LIN7A: variants seen among roughly 807,000 people sequenced by gnomAD.
LIN7A encodes lin-7 cell polarity scaffold A, also known as protein lin-7 homolog A.
In LIN7A, 25 loss-of-function variants were observed where a neutral mutation model predicts 29.8. The ratio of observed to expected loss-of-function variants is 0.84; its 90% CI spans 0.61 to 1.17. The LOEUF is 1.17. Among genes scored for constraint, LIN7A ranks in the 50% most tolerant of loss-of-function variants. The pLI is 0.00. For synonymous variants in LIN7A, 118 were observed against 107.5 expected, an observed-to-expected ratio of 1.10 and a Z score of -0.60; for missense variants, 239 against 287.0, an observed-to-expected ratio of 0.83 and a Z score of 1.21.
At chr12:80,929,603 G>A (rs1196150264) in intron 1 of LIN7A, among the ~76,000 whole-genome samples, 1 of 152,106 alleles carries the variant, frequency 6.6e-6, no homozygotes, top group Non-Finnish European at 1.5e-5. Flanking sequence ...AATATATAAT[G>A]AGACTATGAC....
chr12:80,803,215 T>A (rs1400368589), intron 5 of LIN7A, among the ~76,000 whole-genome samples: 1 of 152,196 alleles, frequency 6.6e-6, no homozygotes, highest in Non-Finnish European at 1.5e-5. Context: ...CCCAAACCAA[T>A]GTTGTGGAGC....
chr12:80,929,547 A>G (rs1423316003), intron 1 of LIN7A, among the ~76,000 whole-genome samples: 2 of 152,188 alleles, frequency 1.3e-5, no homozygotes, highest in African/African-American at 4.8e-5. Context: ...CACTTTATGT[A>G]TTTCCACATT....
At chr12:80,825,973 A>C (rs900657089) in intron 4 of LIN7A, among the ~76,000 whole-genome samples, 1 of 152,218 alleles carries the variant, frequency 6.6e-6, no homozygotes, top group Non-Finnish European at 1.5e-5. Flanking sequence ...TGGCACTGTC[A>C]AATGTGTTTC....
chr12:80,836,246 G>A (rs1872585019), intron 4 of LIN7A, among the ~76,000 whole-genome samples: 2 of 152,104 alleles, frequency 1.3e-5, no homozygotes, highest in South Asian at 4.1e-4. Flanking sequence ...CTCCTACATG[G>A]CAAATCATGG....
At chr12:80,821,082 C>T (rs543388074) in intron 4 of LIN7A, among the ~76,000 whole-genome samples, 1 of 152,192 alleles carries the variant, frequency 6.6e-6, no homozygotes, top group Non-Finnish European at 1.5e-5. Context: ...CATTACAGTT[C>T]CACTTACAAA....
chr12:80,844,853 A>T (rs1279506969), intron 4 of LIN7A, among the ~76,000 whole-genome samples: 1 of 152,240 alleles, frequency 6.6e-6, no homozygotes, highest in African/African-American at 2.4e-5. Flanking sequence ...TTTAAAAACG[A>T]AAGCATATAT....
chr12:80,914,418 A>T (rs1233240306), intron 1 of LIN7A, among the ~76,000 whole-genome samples: 1 of 152,222 alleles, frequency 6.6e-6, no homozygotes, highest in East Asian at 1.9e-4. Context: ...AGTAATGTTT[A>T]TAAAGCACGA....
intron 1 of LIN7A, among the ~76,000 whole-genome samples, chr12:80,912,270 T>TA (rs76923325): frequency 0.055 from 8,373 of 152,224 alleles, 421 homozygotes; most frequent in Admixed American, 0.16. Context: ...AATCATTAGT[T>TA]ATATAAAAGG....
chr12:80,827,017 C>G (rs1052589857), intron 4 of LIN7A, among the ~76,000 whole-genome samples: 15 of 152,118 alleles, frequency 9.9e-5, no homozygotes, highest in African/African-American at 3.4e-4. Context: ...AAGCTTAGGT[C>G]AAAGATTACT....
chr12:80,919,942 G>A (rs1203188879), intron 1 of LIN7A, among the ~76,000 whole-genome samples: 3 of 152,010 alleles, frequency 2.0e-5, no homozygotes, highest in Non-Finnish European at 4.4e-5. Context: ...TCTACCCCTG[G>A]GGGAAGGTAG....
At chr12:80,931,470 G>A (rs12322174) in intron 1 of LIN7A, among the ~76,000 whole-genome samples, 2,292 of 151,900 alleles carry the variant, frequency 0.015, 44 homozygotes, top group African/African-American at 0.045. Flanking sequence ...GCAAAAACCC[G>A]TCTCTATTAA....
At chr12:80,911,807 A>AT (rs1227247476) in intron 1 of LIN7A, among the ~76,000 whole-genome samples, 1 of 152,116 alleles carries the variant, frequency 6.6e-6, no homozygotes, top group Non-Finnish European at 1.5e-5. Flanking sequence ...CTTAATTCAC[A>AT]TTTTTTTAAT....
chr12:80,867,801 G>A (rs756328181), intron 2 of LIN7A, among the ~76,000 whole-genome samples: 3 of 152,144 alleles, frequency 2.0e-5, no homozygotes, highest in Non-Finnish European at 4.4e-5. Flanking sequence ...AATTTATTGT[G>A]GTAAGAGCCC....
intron 2 of LIN7A, among the ~76,000 whole-genome samples, chr12:80,857,946 G>A (rs991752488): frequency 6.6e-6 from 1 of 152,112 alleles, no homozygotes; most frequent in African/African-American, 2.4e-5. Flanking sequence ...CTCTAGGATG[G>A]TATTCTAGAA....
chr12:80,884,972 G>A (rs958532120), intron 2 of LIN7A, among the ~76,000 whole-genome samples: 2 of 152,044 alleles, frequency 1.3e-5, no homozygotes, highest in Non-Finnish European at 2.9e-5. Context: ...TTTACAACTT[G>A]GAAGATGATG....
intron 2 of LIN7A, among the ~76,000 whole-genome samples, chr12:80,871,034 C>T (rs11114641): frequency 0.11 from 16,274 of 152,148 alleles, 985 homozygotes; most frequent in Middle Eastern, 0.21. Context: ...ATCTAAGCCC[C>T]AAGGTCATAA....
intron 1 of LIN7A, 43 bp from the exon 2 acceptor site, chr12:80,889,412 GTATCTCA>G: frequency 8.3e-7 from 1 of 1,206,760 alleles, no homozygotes; most frequent in Non-Finnish European, 1.2e-6. Flanking sequence ...AGAATAAATT[GTATCTCA>G]TCAGCTGAAA....
Position 80,865,289 on chromosome 12 carries a change from A to G in LIN7A, c.202-16967T>C, listed in dbSNP as rs1592907232. On this transcript the variant is annotated intron_variant, in intron 2 of 5. Transcript: ENST00000552864. Reference sequence around the variant, plus strand: ...AAATTCTACACTGATATGACCTATGAAATGCAAAGCACATTCATCTGTCAT... The same window carrying G: ...AAATTCTACACTGATATGACCTATGGAATGCAAAGCACATTCATCTGTCAT... Among the ~76,000 whole-genome samples the G allele has an allele frequency of 2.0e-5, 3 of 152,338 alleles. No individual in the cohort carries two copies. The East Asian group carries it at 5.8e-4, about 29-fold the overall frequency.
intron 4 of LIN7A, among the ~76,000 whole-genome samples, chr12:80,827,959 G>C (rs1232356852): frequency 6.6e-6 from 1 of 151,966 alleles, no homozygotes; most frequent in Non-Finnish European, 1.5e-5. Context: ...ATTCCTGCCA[G>C]AATTTTGTAT....
Sources: allele counts gnomAD v4.1 joint callset (sites outside exome capture counted in the v4.1 genomes callset), GRCh38; gene constraint gnomAD v4.1.1; transcripts MANE v1.5; gene names NCBI Gene and HGNC (gene_info 2026-07-23, HGNC 2026-07-21).